Variants in STAG3 observed in about 807,000 individuals in gnomAD.
STAG3 encodes the protein cohesin subunit SA-3.
Under a neutral mutation model 160.7 loss-of-function variants are expected in STAG3, and 101 were observed. That is an observed-to-expected ratio of 0.63 (90% CI 0.54 to 0.74). The LOEUF (loss-of-function observed/expected upper bound fraction) is 0.74. Ranked by LOEUF, STAG3 falls within the 30% of genes least tolerant of loss-of-function variation. STAG3 has a pLI of 0.00. For missense variants in STAG3, 1,188 were observed against 1,517.4 expected, an observed-to-expected ratio of 0.78 and a Z score of 3.61; for synonymous variants, 519 against 585.0, an observed-to-expected ratio of 0.89 and a Z score of 1.63.
At chr7:100,206,494 C>CGGAATCT (rs1198866459) in intron 29 of STAG3, among the ~76,000 whole-genome samples, 5 of 148,950 alleles carry the variant, frequency 3.4e-5, no homozygotes, top group Admixed American at 6.7e-5. Flanking sequence ...TTTTTTGAGA[C>CGGAATCT]GGAATCTCGC....
Position 100,214,233 on chromosome 7 carries a change from C to T in STAG3, c.*218C>T. The T allele has an allele frequency of 1.7e-6, 1 of 602,538 alleles. No homozygotes were observed. The highest frequency in any genetic ancestry group is 2.9e-6 in the Non-Finnish European group (1 of 344,460). The allele number at this position is 602,538 out of a possible 1,614,324, so 37.3% of individuals were successfully genotyped here. On this transcript the variant is annotated 3_prime_UTR_variant, in exon 34 of 34. Transcript: ENST00000615138. Reference sequence around the variant, plus strand: ...TCCCTAATGCACTGTGGCCCAGTCCCCTTGCCTTTTTCCTGTTCTGTTTGG... The same window carrying T: ...TCCCTAATGCACTGTGGCCCAGTCCTCTTGCCTTTTTCCTGTTCTGTTTGG...
At chr7:100,192,480 C>T (rs548829380) in intron 8 of STAG3, among the ~76,000 whole-genome samples, 6 of 152,260 alleles carry the variant, frequency 3.9e-5, no homozygotes, top group South Asian at 4.1e-4. Flanking sequence ...GCCAAGATTG[C>T]GCCACCACAC....
chr7:100,179,143 C>CT lies in STAG3; in HGVS notation c.-65+1155dup, dbSNP rs34870349. Among the ~76,000 whole-genome samples the CT allele has an allele frequency of 2.8e-3, 356 of 127,052 alleles. 1 individual carries two copies. Among genetic ancestry groups the CT allele is most frequent in the Middle Eastern group, 0.014 (3 of 216 alleles). The allele number at this position is 127,052 out of a possible 152,430, so 83.4% of individuals were successfully genotyped here. ...GTTTGAGCCACCCTGGGCACCTTGCCTTTTTTTTTTTTTTTTTAATTATGA... is the reference window on the plus strand; with the variant it reads ...GTTTGAGCCACCCTGGGCACCTTGCCTTTTTTTTTTTTTTTTTTAATTATGA... On this transcript the variant is annotated intron_variant, in intron 1 of 33. Transcript: ENST00000615138.
chr7:100,202,539 TG>T lies in STAG3; in HGVS notation c.2653del (p.Val885CysfsTer29). 1 of 1,614,198 alleles carries T rather than the reference TG, an allele frequency of 6.2e-7. No individual in the cohort carries two copies. Among genetic ancestry groups the T allele is most frequent in the African/African-American group, 1.3e-5 (1 of 75,056 alleles). On this transcript the variant is annotated frameshift_variant, in exon 25 of 34. Coordinates refer to ENST00000615138, the MANE Select transcript of STAG3 (RefSeq NM_001282717.2). LOFTEE classifies it high-confidence loss of function. ...LAGFCKLLLY[G>X]VLEMDAASDV... ...CCGGGTTCTGCAAGCTGTTGCTTTA[TG>T]GGGTGCTGGAGATGGATGCAGCCTC...
chr7:100,197,463 AC>A, intron 10 of STAG3, 184 bp downstream of exon 10: 1 of 855,688 alleles, frequency 1.2e-6, no homozygotes, highest in Non-Finnish European at 1.9e-6. Context: ...AGAGAGACAT[AC>A]CCAGGAGATG....
At chr7:100,194,480 C>CA (rs1800553319) in intron 8 of STAG3, among the ~76,000 whole-genome samples, 1 of 152,094 alleles carries the variant, frequency 6.6e-6, no homozygotes, top group African/African-American at 2.4e-5. Flanking sequence ...TGTGGTACCC[C>CA]AAAACAGTTA....
At chr7:100,218,715 G>A (rs1354121957), downstream of STAG3, 1 of 342,676 alleles carries the variant, frequency 2.9e-6, no homozygotes, top group African/African-American at 2.1e-5. Flanking sequence ...GTGTGTGCTT[G>A]GATGATGGGG....
chr7:100,201,182 C>T (rs1156958888), intron 20 of STAG3, 22 bp downstream of exon 20: 12 of 1,614,062 alleles, frequency 7.4e-6, no homozygotes, highest in Non-Finnish European at 1.0e-5. Context: ...TCCTCCTCTT[C>T]CCCATCCCGT....
chr7:100,191,562 TG>T (rs1800344464), intron 8 of STAG3, among the ~76,000 whole-genome samples: 2 of 152,236 alleles, frequency 1.3e-5, no homozygotes, highest in Non-Finnish European at 2.9e-5. Flanking sequence ...TAAAAAGCAG[TG>T]TATGTACCTT....
At chr7:100,217,389 T>G (rs1802853165), downstream of STAG3, among the ~76,000 whole-genome samples, 1 of 152,198 alleles carries the variant, frequency 6.6e-6, no homozygotes, top group African/African-American at 2.4e-5. Flanking sequence ...GTAGCAGGCA[T>G]GGAGGCCTTT....
chr7:100,198,652 C>T (rs1800850885), intron 13 of STAG3, 70 bp downstream of exon 13: 2 of 1,438,202 alleles, frequency 1.4e-6, no homozygotes, highest in Non-Finnish European at 2.0e-6. Context: ...TGCTGCTGCC[C>T]TACCTAAGGC....
At chr7:100,196,313 CTG>C (rs1450189241) in intron 9 of STAG3, among the ~76,000 whole-genome samples, 1 of 151,242 alleles carries the variant, frequency 6.6e-6, no homozygotes. Context: ...CGGAGTCTCA[CTG>C]TGTTGCCCAG....
Position 100,180,232 on chromosome 7 carries a change from A to AT in STAG3, c.-64-251dup, listed in dbSNP as rs962063448. On this transcript the variant is annotated intron_variant, in intron 1 of 33. Coordinates refer to ENST00000615138, the MANE Select transcript of STAG3 (RefSeq NM_001282717.2). Reference sequence around the variant, plus strand: ...CCACACCTGACTAATGATTATTATTATTTTTTTTTTAGAAATGGGGTCTTG... The same window carrying AT: ...CCACACCTGACTAATGATTATTATTATTTTTTTTTTTAGAAATGGGGTCTTG... 3.8e-4 allele frequency among the ~76,000 whole-genome samples: 56 copies of AT among 147,558 alleles called. 1 individual carries two copies. The highest frequency in any genetic ancestry group is 3.0e-3 in the South Asian group (14 of 4,628).
intron 5 of STAG3, among the ~76,000 whole-genome samples, chr7:100,187,406 G>C (rs1157511604): frequency 9.6e-6 from 1 of 104,318 alleles, no homozygotes; most frequent in Admixed American, 1.0e-4. Context: ...TTTTTTTTTT[G>C]AAACAAATCC....
chr7:100,207,831 T>G lies in STAG3; in HGVS notation c.3238+2447T>G, dbSNP rs1233535527. On this transcript the variant is annotated intron_variant, in intron 29 of 33. Coordinates refer to ENST00000615138, the MANE Select transcript of STAG3 (RefSeq NM_001282717.2). This position sits in a 1 kb window ranked among gnomAD's most constrained non-coding sequence, Gnocchi z 4.0. ...CTGTGTTTTCTTCTAAGAGTTATAG[T>G]TTTAGCCGGGCATGGTGGCTCACGC... Among the ~76,000 whole-genome samples the G allele has an allele frequency of 6.6e-6, 1 of 152,196 alleles. No individual in the cohort carries two copies. Among genetic ancestry groups the G allele is most frequent in the Non-Finnish European group, 1.5e-5 (1 of 68,028 alleles).
chr7:100,187,959 T>C (rs1800130780), intron 5 of STAG3, among the ~76,000 whole-genome samples: 1 of 152,134 alleles, frequency 6.6e-6, no homozygotes, highest in African/African-American at 2.4e-5. Flanking sequence ...GGTTTCACCA[T>C]GTTGGCCAGG....
rs750238234 is a variant in STAG3 at position 100,197,732 on chromosome 7, T to A, written c.1066-46T>A. 12 of 1,468,368 alleles carry A rather than the reference T, an allele frequency of 8.2e-6. No individual in the cohort carries two copies. In the South Asian group the frequency reaches 1.1e-4, roughly 14 times the overall value. The allele number at this position is 1,468,368 out of a possible 1,614,324, so 91.0% of individuals were successfully genotyped here. A position where few individuals can be genotyped will look rare whatever the true frequency, so the allele number is the denominator to read the frequency against. On this transcript the variant is annotated intron_variant, in intron 10 of 33. Coordinates refer to ENST00000615138, the MANE Select transcript of STAG3 (RefSeq NM_001282717.2). ...GGAGGCTTAGTAGGGGCGAGTAGAG[T>A]GTGGTTAGTCTTATTTCCATTCTCC...
In STAG3 at chr7:100,200,471, A is replaced by G; in HGVS notation, c.1789A>G (p.Lys597Glu). 1.2e-6 allele frequency: 2 copies of G among 1,614,032 alleles called. No individual in the cohort carries two copies. Among genetic ancestry groups the G allele is most frequent in the East Asian group, 2.2e-5 (1 of 44,872 alleles). The change falls in exon 18 of 34, where the codon AAG (lysine) becomes GAG (glutamate). Residue 597 changes from lysine (K) to glutamate (E), a missense_variant. Around this residue, in one of 4 missense-constraint regions of STAG3, gnomAD observed 240 missense variants for 358.1 expected, o/e 0.67. Transcript: ENST00000615138. ...LLAKFSADAE[K>E]VTPLLQLLSC... The stretch of plus-strand genomic sequence containing the variant: ...ATCACAGTTCTCAGCTGATGCAGAG[A>G]AGGTCACTCCCCTGCTCCAGCTTCT...
chr7:100,200,590 A>G (rs754733222), intron 18 of STAG3, 48 bp downstream of exon 18: 11 of 1,593,410 alleles, frequency 6.9e-6, no homozygotes, highest in Non-Finnish European at 9.5e-6. Context: ...GCCAGGGCCA[A>G]AGGGTTCTAT....
Sources: allele counts gnomAD v4.1 joint callset (sites outside exome capture counted in the v4.1 genomes callset), GRCh38; gene constraint gnomAD v4.1.1; regional missense constraint gnomAD v4.1.1; non-coding constraint Gnocchi (gnomAD v3.1); transcripts MANE v1.5; gene names NCBI Gene and HGNC (gene_info 2026-07-23, HGNC 2026-07-21).